The following SLC2A9 variants were observed in gnomAD, a reference collection of about 807,000 sequenced individuals.
The protein encoded by SLC2A9 is solute carrier family 2 member 9, also known as solute carrier family 2, facilitated glucose transporter member 9.
A neutral mutation model predicts 50.6 loss-of-function variants in SLC2A9; 39 were observed. The ratio of observed to expected loss-of-function variants is 0.77; its 90% CI spans 0.60 to 1.01. The LOEUF (loss-of-function observed/expected upper bound fraction) is 1.01, where lower values mean the gene tolerates loss of function less well. Among genes scored for constraint, SLC2A9 ranks in the 50% least tolerant of loss-of-function variants. SLC2A9 has a pLI of 0.00. For missense variants in SLC2A9, 686 were observed against 677.6 expected (o/e 1.01, Z -0.14); for synonymous variants, 324 against 276.9 (o/e 1.17, Z -1.69).
chr4:9,835,583 C>T (rs6856012), intron 10 of SLC2A9, among the ~76,000 whole-genome samples: 24,188 of 152,106 alleles, frequency 0.16, 2,590 homozygotes, highest in African/African-American at 0.31. Context: ...TGGAGGCATT[C>T]ATTGTGTCAA....
chr4:9,880,349 AG>A, intron 10 of SLC2A9: 1 of 985,560 alleles, frequency 1.0e-6, no homozygotes, highest in Non-Finnish European at 1.2e-6. Flanking sequence ...GAGGAAGCGG[AG>A]GGCAGGGGCT....
intron 7 of SLC2A9, among the ~76,000 whole-genome samples, chr4:9,917,317 CT>C (rs1315213750): frequency 8.9e-6 from 1 of 112,506 alleles, no homozygotes; most frequent in East Asian, 2.4e-4. Flanking sequence ...TGAATAATTT[CT>C]TTTTTCCTTT....
intron 8 of SLC2A9, among the ~76,000 whole-genome samples, chr4:9,904,893 T>A (rs542758383): frequency 5.3e-5 from 8 of 152,326 alleles, no homozygotes; most frequent in African/African-American, 1.9e-4. Flanking sequence ...TCTGCATCCA[T>A]CCTTGCATCT....
chr4:9,880,122 G>C, intron 10 of SLC2A9: 1 of 985,444 alleles, frequency 1.0e-6, no homozygotes, highest in South Asian at 4.7e-5. Flanking sequence ...CTCCCCTGGG[G>C]ACTTGCTCTT....
intron 6 of SLC2A9, among the ~76,000 whole-genome samples, chr4:9,927,077 T>A (rs1745042294): frequency 6.6e-6 from 1 of 150,442 alleles, no homozygotes; most frequent in African/African-American, 2.5e-5. Flanking sequence ...TTGCCCAGAC[T>A]GCAGTTCAGT....
Position 9,843,540 on chromosome 4 carries a change from T to A in SLC2A9, c.1292-8532A>T, listed in dbSNP as rs551906289. 4.6e-5 allele frequency among the ~76,000 whole-genome samples: 7 copies of A among 152,224 alleles called. No homozygotes were observed. In the East Asian group the frequency reaches 1.4e-3, roughly 29 times the overall value. ...TCTGATACTATAGTTTGGAGCATGC[T>A]GCTTGAATCAGACCATCTGGGTTAG... On this transcript the variant is annotated intron_variant, in intron 10 of 11. Transcript: ENST00000264784.
chr4:9,849,393 A>G lies in SLC2A9; in HGVS notation c.1292-14385T>C, dbSNP rs189631549. ...CTCTCAGCATTGTTAACAACCATAC[A>G]TGGTGATTCTAACTTGAATTTGTGT... is the stretch of plus-strand genomic sequence containing the variant. On this transcript the variant is annotated intron_variant, in intron 10 of 11. Coordinates refer to ENST00000264784, the MANE Select transcript of SLC2A9 (RefSeq NM_020041.3). Among the ~76,000 whole-genome samples, 38 of 152,342 alleles carry G rather than the reference A, an allele frequency of 2.5e-4. 1 individual carries two copies. The highest frequency in any genetic ancestry group is 2.1e-3 in the East Asian group (11 of 5,182).
intron 5 of SLC2A9, among the ~76,000 whole-genome samples, chr4:9,948,149 A>G (rs558823815): frequency 6.8e-6 from 1 of 146,648 alleles, no homozygotes; most frequent in East Asian, 2.0e-4. Flanking sequence ...TCCATGACAC[A>G]CTCTCCCTGG....
chr4:9,912,996 A>C (rs1318971555), intron 7 of SLC2A9, among the ~76,000 whole-genome samples: 1 of 152,226 alleles, frequency 6.6e-6, no homozygotes, highest in African/African-American at 2.4e-5. Flanking sequence ...GCTGACTTGC[A>C]GATGCAGAAA....
intron 1 of SLC2A9, among the ~76,000 whole-genome samples, chr4:9,773,247 G>T (rs1560265349): frequency 1.3e-5 from 2 of 152,120 alleles, no homozygotes; most frequent in Non-Finnish European, 2.9e-5. Flanking sequence ...CTTTCCACCT[G>T]CCCCTCCCCA....
intron 5 of SLC2A9, among the ~76,000 whole-genome samples, chr4:9,972,668 G>A (rs1754106546): frequency 6.6e-6 from 1 of 152,148 alleles, no homozygotes; most frequent in Non-Finnish European, 1.5e-5. Context: ...CAATTACATG[G>A]AAATTAAATG....
intron 5 of SLC2A9, among the ~76,000 whole-genome samples, chr4:9,979,056 G>T (rs1013542494): frequency 2.0e-5 from 3 of 152,172 alleles, no homozygotes; most frequent in African/African-American, 7.2e-5. Flanking sequence ...GGCAGAATTA[G>T]CCCCTTCTCT....
At chr4:10,010,961 T>C (rs1425541396) in intron 2 of SLC2A9, among the ~76,000 whole-genome samples, 1 of 152,190 alleles carries the variant, frequency 6.6e-6, no homozygotes, top group Non-Finnish European at 1.5e-5. Context: ...TTGGGCTCAT[T>C]GCAATGTGGG....
At chr4:9,795,660 C>A (rs1720505003), downstream of SLC2A9, among the ~76,000 whole-genome samples, 1 of 152,034 alleles carries the variant, frequency 6.6e-6, no homozygotes, top group South Asian at 2.1e-4. Flanking sequence ...ACTTTGCACA[C>A]CAACAAAAAA....
chr4:9,826,231 A>C lies in SLC2A9; in HGVS notation c.*166T>G. The stretch of plus-strand genomic sequence containing the variant: ...GCTAACACAGTTGCAATGTTAGATT[A>C]GTACAGGTTTACTTTTAAATATTTA... On this transcript the variant is annotated 3_prime_UTR_variant, in exon 12 of 12. Transcript: ENST00000264784. 1 of 671,548 alleles carries C rather than the reference A, an allele frequency of 1.5e-6. No individual in the cohort carries two copies. Among genetic ancestry groups the C allele is most frequent in the South Asian group, 1.9e-5 (1 of 52,214 alleles). The allele number at this position is 671,548 out of a possible 1,614,324, so 41.6% of individuals were successfully genotyped here. A position where few individuals can be genotyped will look rare whatever the true frequency, so the allele number is the denominator to read the frequency against.
chr4:9,840,250 A>T (rs1256011456), intron 10 of SLC2A9, among the ~76,000 whole-genome samples: 2 of 152,166 alleles, frequency 1.3e-5, no homozygotes, highest in Admixed American at 1.3e-4. Flanking sequence ...CTATCTTCAT[A>T]GTTTTATCTG....
intron 10 of SLC2A9, chr4:9,880,358 G>A: frequency 1.0e-6 from 1 of 985,630 alleles, no homozygotes; most frequent in Non-Finnish European, 1.2e-6. Flanking sequence ...GAGGGCAGGG[G>A]CTGACAGGTG....
chr4:9,779,483 C>A (rs573168282), downstream of SLC2A9, among the ~76,000 whole-genome samples: 3 of 148,794 alleles, frequency 2.0e-5, no homozygotes, highest in South Asian at 6.4e-4. Context: ...GGTGTGATCT[C>A]GGCTCACTGC....
intron 9 of SLC2A9, among the ~76,000 whole-genome samples, chr4:9,889,738 G>A (rs191859535): frequency 6.6e-6 from 1 of 152,302 alleles, no homozygotes; most frequent in Admixed American, 6.5e-5. Flanking sequence ...AAAATGCAAA[G>A]ATTAATCAAT....
Sources: gnomAD v4.1 joint callset for allele counts (sites outside exome capture counted in the v4.1 genomes callset) on GRCh38, gnomAD v4.1.1 for gene constraint, MANE v1.5 for transcripts, NCBI Gene and HGNC (gene_info 2026-07-23, HGNC 2026-07-21) for gene names.